TTLL11: variants seen among roughly 807,000 people sequenced by gnomAD.
TTLL11 encodes the protein tubulin polyglutamylase TTLL11.
TTLL11 carries 42 observed loss-of-function variants against 51.7 expected under a neutral mutation model. The ratio of observed to expected loss-of-function variants is 0.81; its 90% confidence interval spans 0.64 to 1.05. TTLL11 has a LOEUF of 1.05. Ranked by LOEUF, TTLL11 falls within the 50% of genes least tolerant of loss-of-function variation. The pLI, the probability that TTLL11 is intolerant of heterozygous loss-of-function variation, is 0.00. For synonymous variants in TTLL11, 381 were observed against 383.5 expected, an observed-to-expected ratio of 0.99 and a Z score of 0.08; for missense variants, 799 against 940.4, an observed-to-expected ratio of 0.85 and a Z score of 1.97.
chr9:122,023,150 T>C (rs1844226184), intron 3 of TTLL11, among the ~76,000 whole-genome samples: 1 of 151,916 alleles, frequency 6.6e-6, no homozygotes, highest in East Asian at 1.9e-4. Context: ...TAAAGGCAGA[T>C]TACTAAAGGT....
intron 4 of TTLL11, among the ~76,000 whole-genome samples, chr9:121,975,572 T>A (rs1443743911): frequency 1.3e-5 from 2 of 152,014 alleles, no homozygotes; most frequent in Non-Finnish European, 2.9e-5. Flanking sequence ...ATTAGCTGGG[T>A]GTCGTGGCGC....
At chr9:121,881,138 A>G (rs1239700709) in intron 6 of TTLL11, among the ~76,000 whole-genome samples, 1 of 152,230 alleles carries the variant, frequency 6.6e-6, no homozygotes, top group African/African-American at 2.4e-5. Context: ...CAAAATTAGC[A>G]GAAAAGGCCA....
intron 8 of TTLL11, among the ~76,000 whole-genome samples, chr9:121,841,135 G>C (rs1361203582): frequency 2.6e-5 from 4 of 152,138 alleles, no homozygotes; most frequent in Non-Finnish European, 4.4e-5. Flanking sequence ...AGGCAGGGAG[G>C]GATGTTACAG....
At chr9:121,863,169 G>T (rs1226938623) in intron 7 of TTLL11, among the ~76,000 whole-genome samples, 1 of 152,124 alleles carries the variant, frequency 6.6e-6, no homozygotes, top group Non-Finnish European at 1.5e-5. Context: ...ATCAGCACAC[G>T]GTTATTGAGC....
chr9:122,009,373 A>C (rs995852860), intron 3 of TTLL11, among the ~76,000 whole-genome samples: 1 of 152,116 alleles, frequency 6.6e-6, no homozygotes, highest in African/African-American at 2.4e-5. Flanking sequence ...AGTAAACAAT[A>C]AAAATACAAA....
At chr9:121,971,746 GAA>G (rs768215225) in intron 6 of TTLL11, among the ~76,000 whole-genome samples, 11 of 97,880 alleles carry the variant, frequency 1.1e-4, no homozygotes, top group South Asian at 3.2e-4. Context: ...TCTGCCTTGG[GAA>G]AAAAAAAAAA....
intron 3 of TTLL11, among the ~76,000 whole-genome samples, chr9:122,029,402 G>C (rs1487644822): frequency 6.6e-6 from 1 of 152,150 alleles, no homozygotes; most frequent in Non-Finnish European, 1.5e-5. Context: ...CCTTCCAGTG[G>C]GATAAGAAGT....
chr9:122,093,012 C>A lies in TTLL11; in HGVS notation c.137G>T (p.Gly46Val), dbSNP rs542335539. 4.6e-6 allele frequency: 7 copies of A among 1,536,092 alleles called. No homozygotes were observed. The African/African-American group carries it at 7.0e-5, about 15-fold the overall frequency. Residue 46 changes from glycine to valine, a missense_variant, in exon 1 of 9, where the codon GGC (glycine) becomes GTC (valine). Physicochemically the swap from Gly to Val is moderately radical, Grantham distance 109 (BLOSUM62 -3). This residue lies in a region of TTLL11 where 166 missense variants were observed against 161.6 expected (regional missense o/e 1.03). Coordinates refer to ENST00000321582, the MANE Select transcript of TTLL11 (RefSeq NM_001139442.2). ...CTTGCACTCCGGTTCCCCGGCCGCG[C>A]CCGCGTCCACGCGGACCTGTTCCGC... ...TVAEQVRVDA[G>V]AAGEPECKAG... is the part of the protein sequence containing the mutation.
chr9:121,887,105 T>C (rs1465794845), intron 6 of TTLL11, among the ~76,000 whole-genome samples: 1 of 152,194 alleles, frequency 6.6e-6, no homozygotes, highest in African/African-American at 2.4e-5. Flanking sequence ...AGCCTATTGT[T>C]TCAGGCAAGC....
At chr9:121,826,493 A>ATATATATG (rs1836784533) in intron 8 of TTLL11, among the ~76,000 whole-genome samples, 2 of 84,282 alleles carry the variant, frequency 2.4e-5, no homozygotes, top group African/African-American at 6.0e-5. Context: ...ATATATATAT[A>ATATATATG]TGTGTGTGTA....
chr9:121,973,568 G>C (rs1173955339), intron 6 of TTLL11, among the ~76,000 whole-genome samples: 1 of 148,978 alleles, frequency 6.7e-6, no homozygotes, highest in Non-Finnish European at 1.5e-5. Context: ...ACAGGAAGGG[G>C]AACATCACAC....
intron 6 of TTLL11, among the ~76,000 whole-genome samples, chr9:121,916,229 T>C (rs11793905): frequency 0.094 from 14,332 of 152,180 alleles, 919 homozygotes; most frequent in East Asian, 0.28. Context: ...TAAGTAAAAA[T>C]AGCAAGTCAT....
chr9:121,905,320 T>C (rs886671159), intron 6 of TTLL11, among the ~76,000 whole-genome samples: 2 of 152,120 alleles, frequency 1.3e-5, no homozygotes, highest in African/African-American at 4.8e-5. Context: ...AGTCACACTA[T>C]ACATACAATT....
chr9:121,912,569 C>T (rs1315327241), intron 6 of TTLL11, among the ~76,000 whole-genome samples: 1 of 152,056 alleles, frequency 6.6e-6, no homozygotes, highest in African/African-American at 2.4e-5. Context: ...TGAGTCCCTT[C>T]TATACCTTAT....
intron 6 of TTLL11, among the ~76,000 whole-genome samples, chr9:121,907,043 C>G (rs1839972754): frequency 6.6e-6 from 1 of 152,126 alleles, no homozygotes; most frequent in African/African-American, 2.4e-5. Context: ...AGCTCAGGGC[C>G]CTTGTTCACT....
At chr9:122,089,016 C>CAAA (rs11432235) in intron 1 of TTLL11, among the ~76,000 whole-genome samples, 4,937 of 91,788 alleles carry the variant, frequency 0.054, 177 homozygotes, top group South Asian at 0.069. Flanking sequence ...CACCCTGTCT[C>CAAA]AAAAAAAAAA....
Position 121,850,065 on chromosome 9 carries a change from T to G in TTLL11, c.1840+10272A>C, listed in dbSNP as rs925445022. 6.7e-4 allele frequency among the ~76,000 whole-genome samples: 57 copies of G among 85,398 alleles called. 1 individual carries two copies. Among genetic ancestry groups the G allele is most frequent in the African/African-American group, 2.9e-3 (56 of 19,350 alleles). The allele number at this position is 85,398 out of a possible 152,430, so 56.0% of individuals were successfully genotyped here. A position where few individuals can be genotyped will look rare whatever the true frequency, so the allele number is the denominator to read the frequency against. The stretch of plus-strand genomic sequence containing the variant: ...TGTATTTTTAAAATTGTTATATTAT[T>G]TTTTATTTTTCTTAAAAAAAACCTA... On this transcript the variant is annotated intron_variant, in intron 8 of 8. Coordinates refer to ENST00000321582, the MANE Select transcript of TTLL11 (RefSeq NM_001139442.2).
chr9:121,887,348 C>A (rs757045274), intron 6 of TTLL11, among the ~76,000 whole-genome samples: 4 of 152,138 alleles, frequency 2.6e-5, no homozygotes, highest in African/African-American at 4.8e-5. Flanking sequence ...GTGGCGATTT[C>A]TCTGAAATTG....
At chr9:121,823,192 A>G (rs573033758) in intron 8 of TTLL11, among the ~76,000 whole-genome samples, 1 of 152,384 alleles carries the variant, frequency 6.6e-6, no homozygotes, top group African/African-American at 2.4e-5. Context: ...GGAAAGTTAT[A>G]TAAGATTTAA....
Sources: allele counts gnomAD v4.1 joint callset (sites outside exome capture counted in the v4.1 genomes callset), GRCh38; gene constraint gnomAD v4.1.1; regional missense constraint gnomAD v4.1.1; transcripts MANE v1.5; gene names NCBI Gene and HGNC (gene_info 2026-07-23, HGNC 2026-07-21).